The following CLASP1 variants were observed in gnomAD, a reference collection of about 807,000 sequenced individuals.
CLASP1 encodes cytoplasmic linker associated protein 1, also known as CLIP-associating protein 1.
CLASP1 carries 38 observed loss-of-function variants against 192.3 expected under a neutral mutation model. The observed-to-expected ratio is 0.20, with a 90% CI of 0.15 to 0.26. CLASP1 has a LOEUF of 0.26. Among genes scored for constraint, CLASP1 ranks in the 10% least tolerant of loss-of-function variants. The probability of loss-of-function intolerance (pLI) is 1.00; values close to 1 mark genes in which losing one functional copy is unlikely to be tolerated. For missense variants in CLASP1, 1,433 were observed against 1,932.5 expected (o/e 0.74, Z 4.85); for synonymous variants, 691 against 712.8 (o/e 0.97, Z 0.49).
chr2:121,494,146 C>T (rs2093434225), intron 8 of CLASP1, among the ~76,000 whole-genome samples: 2 of 152,218 alleles, frequency 1.3e-5, no homozygotes, highest in African/African-American at 4.8e-5. Flanking sequence ...GATACCTGCA[C>T]TGCCATGTTT....
intron 24 of CLASP1, among the ~76,000 whole-genome samples, chr2:121,410,546 CAT>C (rs1214146289): frequency 6.6e-6 from 1 of 151,514 alleles, no homozygotes; most frequent in African/African-American, 2.4e-5. Context: ...GAAAAAAAAA[CAT>C]GGTTAAAAAG....
At chr2:121,364,212 C>G (rs1005725273) in intron 36 of CLASP1, 1 of 152,370 alleles carries the variant, frequency 6.6e-6, no homozygotes, top group African/African-American at 2.4e-5. Flanking sequence ...AGCAGCCTCC[C>G]TGTCACTCAG....
chr2:121,444,804 G>C (rs923327159), intron 19 of CLASP1: 2 of 467,182 alleles, frequency 4.3e-6, no homozygotes, highest in South Asian at 3.5e-5. Context: ...AGAATGAAAA[G>C]AGAGGAGGAG....
At chr2:121,491,209 A>G (rs935021934) in intron 8 of CLASP1, among the ~76,000 whole-genome samples, 23 of 152,260 alleles carry the variant, frequency 1.5e-4, no homozygotes, top group African/African-American at 5.5e-4. Flanking sequence ...CTGTACATTC[A>G]TGTATAAGAG....
chr2:121,594,299 C>CA (rs370618050), intron 2 of CLASP1, among the ~76,000 whole-genome samples: 25,116 of 132,576 alleles, frequency 0.19, 4,369 homozygotes, highest in African/African-American at 0.47. Flanking sequence ...GACTCCGTCT[C>CA]AAAAAAAAAA....
rs553049514 is a variant in CLASP1, at chr2:121,570,505, G to A, written c.195+35196C>T. Among the ~76,000 whole-genome samples, 161 of 152,260 alleles carry A rather than the reference G, an allele frequency of 1.1e-3. 3 individuals are homozygous for A. Among genetic ancestry groups the A allele is most frequent in the Non-Finnish European group, 7.2e-4 (49 of 68,042 alleles). ...GTTCATTTTCTAACAGCTGCAGGCA[G>A]AATCTAGTGAACTCTTAATGATCCA... On this transcript the variant is annotated intron_variant, in intron 2 of 39. Transcript: ENST00000263710.
At chr2:121,380,475 C>T (rs2071376964) in intron 33 of CLASP1, among the ~76,000 whole-genome samples, 1 of 152,108 alleles carries the variant, frequency 6.6e-6, no homozygotes, top group Non-Finnish European at 1.5e-5. Context: ...TAGTCACTGA[C>T]CTAAGGTTAG....
chr2:121,644,234 T>G (rs2072688277), intron 1 of CLASP1, among the ~76,000 whole-genome samples: 1 of 152,002 alleles, frequency 6.6e-6, no homozygotes, highest in Admixed American at 6.6e-5. Context: ...AGAGCCAGAA[T>G]GCACAAGGAA....
intron 22 of CLASP1, among the ~76,000 whole-genome samples, chr2:121,420,006 A>C (rs2079220076): frequency 6.6e-6 from 1 of 152,202 alleles, no homozygotes; most frequent in African/African-American, 2.4e-5. Flanking sequence ...ACACTCCCTG[A>C]TTAAAAAAAG....
At chr2:121,431,314 A>G (rs936536538) in intron 19 of CLASP1, among the ~76,000 whole-genome samples, 1 of 152,262 alleles carries the variant, frequency 6.6e-6, no homozygotes, top group Non-Finnish European at 1.5e-5. Context: ...GTGAAAAGCT[A>G]TACCATTTAC....
chr2:121,452,810 AACAAAT>A (rs1483507511), intron 14 of CLASP1, among the ~76,000 whole-genome samples: 1 of 152,142 alleles, frequency 6.6e-6, no homozygotes, highest in Non-Finnish European at 1.5e-5. Flanking sequence ...CAAACAAACA[AACAAAT>A]AAAAATTTCT....
intron 19 of CLASP1, among the ~76,000 whole-genome samples, chr2:121,432,060 A>C (rs2081520267): frequency 6.6e-6 from 1 of 151,854 alleles, no homozygotes; most frequent in African/African-American, 2.4e-5. Context: ...CCCACTAGTC[A>C]ATGTGTCCAT....
chr2:121,578,982 C>T (rs2060847707), intron 2 of CLASP1, among the ~76,000 whole-genome samples: 1 of 152,126 alleles, frequency 6.6e-6, no homozygotes, highest in Non-Finnish European at 1.5e-5. Flanking sequence ...TTTGTTGAAA[C>T]CTAATATACA....
intron 2 of CLASP1, among the ~76,000 whole-genome samples, chr2:121,601,202 G>T (rs1009101318): frequency 2.0e-5 from 3 of 152,026 alleles, no homozygotes; most frequent in Non-Finnish European, 4.4e-5. Context: ...CATAGACAAG[G>T]TGATTTCATA....
intron 23 of CLASP1, among the ~76,000 whole-genome samples, chr2:121,413,327 G>A (rs1368738930): frequency 6.6e-6 from 1 of 152,110 alleles, no homozygotes; most frequent in Non-Finnish European, 1.5e-5. Flanking sequence ...GAAGAAAAGA[G>A]AAAATACCAG....
At chr2:121,487,929 A>G (rs1489613546) in intron 8 of CLASP1, among the ~76,000 whole-genome samples, 1 of 152,232 alleles carries the variant, frequency 6.6e-6, no homozygotes, top group Non-Finnish European at 1.5e-5. Context: ...TGTGTTGCTT[A>G]AAGCATTCTA....
chr2:121,386,354 A>G (rs1229617319), intron 32 of CLASP1, among the ~76,000 whole-genome samples: 1 of 152,206 alleles, frequency 6.6e-6, no homozygotes, highest in Non-Finnish European at 1.5e-5. Context: ...CAAACAGAGC[A>G]TGTGTGCCCC....
At chr2:121,510,509 G>C (rs930109588) in intron 7 of CLASP1, among the ~76,000 whole-genome samples, 4 of 152,170 alleles carry the variant, frequency 2.6e-5, no homozygotes, top group Admixed American at 2.6e-4. Flanking sequence ...CAGAAAATCT[G>C]AATAGACCCC....
intron 2 of CLASP1, among the ~76,000 whole-genome samples, chr2:121,536,274 G>A (rs1402380186): frequency 1.3e-5 from 2 of 150,710 alleles, no homozygotes; most frequent in African/African-American, 2.4e-5. Context: ...CCAGCTACTC[G>A]GGAGGCTGAG....
Sources: gnomAD v4.1 joint callset for allele counts (sites outside exome capture counted in the v4.1 genomes callset) on GRCh38, gnomAD v4.1.1 for gene constraint, MANE v1.5 for transcripts, NCBI Gene and HGNC (gene_info 2026-07-23, HGNC 2026-07-21) for gene names.